The following BACH2 variants were observed in gnomAD, a reference collection of about 807,000 sequenced individuals.
BACH2 encodes the protein BACH transcriptional regulator 2.
Under a neutral mutation model 61.8 loss-of-function variants are expected in BACH2, and 5 were observed. That is an observed-to-expected ratio of 0.08 (90% CI 0.04 to 0.17). The LOEUF (loss-of-function observed/expected upper bound fraction) is 0.17. Among genes scored for constraint, BACH2 ranks in the 10% least tolerant of loss-of-function variants. The pLI is 1.00. For missense variants in BACH2, 824 were observed against 1,091.1 expected (o/e 0.76, Z 3.45); for synonymous variants, 446 against 440.1 (o/e 1.01, Z -0.17).
intron 3 of BACH2, among the ~76,000 whole-genome samples, chr6:90,224,968 A>C (rs1769861960): frequency 6.6e-6 from 1 of 152,252 alleles, no homozygotes; most frequent in South Asian, 2.1e-4. Context: ...AATTTGAAAT[A>C]CATTATTCAT....
intron 5 of BACH2, among the ~76,000 whole-genome samples, chr6:90,029,308 A>G (rs541079902): frequency 1.0e-3 from 155 of 152,244 alleles, no homozygotes; most frequent in African/African-American, 3.6e-3. Context: ...AAGTCCTTAG[A>G]GTCTCCTTAT....
intron 4 of BACH2, chr6:90,116,943 C>T: frequency 4.9e-6 from 2 of 410,746 alleles, no homozygotes; most frequent in South Asian, 7.5e-5. Flanking sequence ...ACATGTGCAG[C>T]TTCAACTTCC....
chr6:90,155,934 A>G (rs1695408259), intron 4 of BACH2, among the ~76,000 whole-genome samples: 1 of 152,206 alleles, frequency 6.6e-6, no homozygotes, highest in African/African-American at 2.4e-5. Flanking sequence ...AATATTGCAT[A>G]AAGTCCTATT....
intron 5 of BACH2, among the ~76,000 whole-genome samples, chr6:90,049,663 C>T (rs1779945396): frequency 6.6e-6 from 1 of 152,176 alleles, no homozygotes; most frequent in African/African-American, 2.4e-5. Context: ...TCTTCACTAC[C>T]ATATACTCAC....
At position 90,203,397 on chromosome 6, in the gene BACH2, A is replaced by C. The variant is rs1675136465; in HGVS notation, c.-162+3172T>G. Among the ~76,000 whole-genome samples the C allele has an allele frequency of 2.0e-5, 3 of 149,142 alleles. No individual in the cohort carries two copies. In the South Asian group the frequency reaches 6.3e-4, roughly 31 times the overall value. On this transcript the variant is annotated intron_variant, in intron 4 of 8. Coordinates refer to ENST00000257749, the MANE Select transcript of BACH2 (RefSeq NM_021813.4). ...GACCCTCTCTCTCTCTCTCCAAAAA[A>C]AAAAAAAAAAAAAAAAAAAGAGTTA... is the stretch of plus-strand genomic sequence containing the variant.
chr6:90,023,362 G>A (rs554437280), intron 5 of BACH2, among the ~76,000 whole-genome samples: 1 of 152,088 alleles, frequency 6.6e-6, no homozygotes, highest in East Asian at 1.9e-4. Context: ...ATCATAAGAC[G>A]TAGTTGTTTA....
intron 6 of BACH2, among the ~76,000 whole-genome samples, chr6:89,992,234 T>C (rs368311713): frequency 1.3e-4 from 20 of 152,360 alleles, no homozygotes; most frequent in African/African-American, 4.8e-4. Context: ...TATATATTTA[T>C]GTGTTACAAT....
chr6:90,257,664 T>C (rs1274317919), intron 2 of BACH2, among the ~76,000 whole-genome samples: 1 of 152,230 alleles, frequency 6.6e-6, no homozygotes, highest in Non-Finnish European at 1.5e-5. Context: ...TGATGTACAT[T>C]GGAATATTGG....
At chr6:90,031,361 A>G (rs945235402) in intron 5 of BACH2, among the ~76,000 whole-genome samples, 118 of 152,190 alleles carry the variant, frequency 7.8e-4, no homozygotes, top group Non-Finnish European at 1.1e-3. Flanking sequence ...CAGGGCAACC[A>G]GGCAGGAGAA....
intron 4 of BACH2, among the ~76,000 whole-genome samples, chr6:90,204,299 C>T (rs1769062956): frequency 6.6e-6 from 1 of 152,002 alleles, no homozygotes; most frequent in East Asian, 1.9e-4. Context: ...CAGTCACACC[C>T]ACAACAATAT....
At chr6:90,164,726 G>C (rs1166874545) in intron 4 of BACH2, among the ~76,000 whole-genome samples, 1 of 151,510 alleles carries the variant, frequency 6.6e-6, no homozygotes, top group African/African-American at 2.4e-5. Flanking sequence ...TGATCAAGTG[G>C]GCTTCATCCC....
intron 2 of BACH2, among the ~76,000 whole-genome samples, chr6:90,255,712 A>T (rs1395982126): frequency 6.6e-6 from 1 of 152,258 alleles, no homozygotes; most frequent in Non-Finnish European, 1.5e-5. Context: ...AGAAGCAGCA[A>T]GGTTCATTCA....
At chr6:90,176,762 T>C (rs1008974777) in intron 4 of BACH2, among the ~76,000 whole-genome samples, 16 of 152,142 alleles carry the variant, frequency 1.1e-4, no homozygotes, top group Admixed American at 4.6e-4. Flanking sequence ...TCATTATGTC[T>C]TACCAGCCCT....
chr6:89,936,746 C>A (rs532157311), intron 8 of BACH2, among the ~76,000 whole-genome samples: 2 of 152,286 alleles, frequency 1.3e-5, no homozygotes, highest in African/African-American at 4.8e-5. Context: ...AAAACCCTGA[C>A]GTCCAGGGCT....
chr6:89,948,184 A>G (rs1007398285), intron 7 of BACH2, among the ~76,000 whole-genome samples: 1 of 151,298 alleles, frequency 6.6e-6, no homozygotes, highest in Non-Finnish European at 1.5e-5. Context: ...TAAAAACACC[A>G]CCCTCCCTTG....
At chr6:89,937,722 G>A (rs1338699004) in intron 8 of BACH2, among the ~76,000 whole-genome samples, 2 of 152,066 alleles carry the variant, frequency 1.3e-5, no homozygotes, top group East Asian at 3.9e-4. Context: ...GTAGAGACAG[G>A]GTTTCTCCAT....
intron 3 of BACH2, among the ~76,000 whole-genome samples, chr6:90,251,936 A>C (rs1309533163): frequency 1.3e-5 from 2 of 152,218 alleles, no homozygotes; most frequent in Non-Finnish European, 2.9e-5. Flanking sequence ...GGGAAAGTTC[A>C]ATCCACAGAT....
intron 5 of BACH2, among the ~76,000 whole-genome samples, chr6:90,020,781 C>T (rs1778328604): frequency 6.6e-6 from 1 of 152,040 alleles, no homozygotes; most frequent in African/African-American, 2.4e-5. Context: ...AACAACATTC[C>T]CCTCCGCCCC....
At chr6:90,141,125 A>C (rs1784443557) in intron 4 of BACH2, among the ~76,000 whole-genome samples, 1 of 152,258 alleles carries the variant, frequency 6.6e-6, no homozygotes, top group Non-Finnish European at 1.5e-5. Flanking sequence ...ATAATTTTAT[A>C]AAATGTACAA....
Sources: gnomAD v4.1 joint callset for allele counts (sites outside exome capture counted in the v4.1 genomes callset) on GRCh38, gnomAD v4.1.1 for gene constraint, MANE v1.5 for transcripts, NCBI Gene and HGNC (gene_info 2026-07-23, HGNC 2026-07-21) for gene names.